The following PALLD variants were observed in gnomAD, a reference collection of about 807,000 sequenced individuals.
The protein encoded by PALLD is palladin.
In PALLD, 61 loss-of-function variants were observed where a neutral mutation model predicts 123.5. The ratio of observed to expected loss-of-function variants is 0.49; its 90% CI spans 0.40 to 0.61. PALLD has a LOEUF of 0.61. Among genes scored for constraint, PALLD ranks in the 20% least tolerant of loss-of-function variants. PALLD has a pLI of 0.00. For missense variants in PALLD, 1,273 were observed against 1,377.0 expected (o/e 0.92, Z 1.20); for synonymous variants, 465 against 496.4 (o/e 0.94, Z 0.84).
chr4:168,865,510 T>G (rs574746156), intron 10 of PALLD, among the ~76,000 whole-genome samples: 82 of 152,346 alleles, frequency 5.4e-4, no homozygotes, highest in Non-Finnish European at 1.0e-3. Flanking sequence ...AACTGTGCAT[T>G]CCTCACATTG....
chr4:168,765,242 A>T (rs1280902003), intron 10 of PALLD, among the ~76,000 whole-genome samples: 1 of 152,344 alleles, frequency 6.6e-6, no homozygotes, highest in African/African-American at 2.4e-5. Context: ...GGTTTAGTAA[A>T]TGGAAGCGAT....
At chr4:168,626,624 T>C (rs1229107025) in intron 2 of PALLD, among the ~76,000 whole-genome samples, 1 of 149,504 alleles carries the variant, frequency 6.7e-6, no homozygotes, top group Non-Finnish European at 1.5e-5. Flanking sequence ...GGTGGGAGGA[T>C]CACTGGAGCC....
intron 10 of PALLD, among the ~76,000 whole-genome samples, chr4:168,722,089 G>T (rs563833227): frequency 8.5e-5 from 13 of 152,284 alleles, no homozygotes; most frequent in African/African-American, 2.9e-4. Flanking sequence ...CTGCCACCCA[G>T]GCTGGAGTGC....
intron 10 of PALLD, among the ~76,000 whole-genome samples, chr4:168,770,933 A>C (rs1019609133): frequency 5.9e-5 from 9 of 152,040 alleles, no homozygotes; most frequent in Non-Finnish European, 1.2e-4. Flanking sequence ...GGGAGCGGGC[A>C]CTTGTAGTCC....
rs767777801 is a variant in PALLD at position 168,850,523 on chromosome 4, C to CTTTTTTTTTTT, written c.1965-40381_1965-40371dup. 2.7e-3 allele frequency among the ~76,000 whole-genome samples: 93 copies of CTTTTTTTTTTT among 34,712 alleles called. 22 individuals are homozygous for CTTTTTTTTTTT. The highest frequency in any genetic ancestry group is 6.1e-3 in the African/African-American group (46 of 7,556). The allele number at this position is 34,712 out of a possible 152,430, so 22.8% of individuals were successfully genotyped here. ...TATATAATTTGTAAGTCTGTCATTT[C>CTTTTTTTTTTT]TTTTTTTTTTTTTTTTTTTTTTTTT... is the stretch of plus-strand genomic sequence containing the variant. On this transcript the variant is annotated intron_variant, in intron 10 of 21. Transcript: ENST00000505667.
chr4:168,509,694 G>C (rs1017634120), intron 1 of PALLD, among the ~76,000 whole-genome samples: 11 of 152,192 alleles, frequency 7.2e-5, no homozygotes, highest in African/African-American at 2.7e-4. Context: ...AGTAGATAGA[G>C]TAGGGCTAGC....
intron 2 of PALLD, among the ~76,000 whole-genome samples, chr4:168,622,626 G>A (rs1344449741): frequency 1.3e-5 from 2 of 152,204 alleles, no homozygotes; most frequent in African/African-American, 4.8e-5. Flanking sequence ...AAGCCCAAAA[G>A]AGAAGTAGCA....
intron 2 of PALLD, among the ~76,000 whole-genome samples, chr4:168,637,111 G>A (rs998393656): frequency 6.6e-6 from 1 of 152,198 alleles, no homozygotes. Flanking sequence ...CAGTGGTAAT[G>A]TTTCTACTTA....
chr4:168,613,031 C>A (rs1384325374), intron 2 of PALLD, among the ~76,000 whole-genome samples: 8 of 152,196 alleles, frequency 5.3e-5, no homozygotes, highest in Non-Finnish European at 1.2e-4. Context: ...TTTCCCCCAT[C>A]AACTTCCTTC....
At chr4:168,691,790 G>A (rs1050953818) in intron 8 of PALLD, among the ~76,000 whole-genome samples, 4 of 152,110 alleles carry the variant, frequency 2.6e-5, no homozygotes, top group African/African-American at 4.8e-5. Flanking sequence ...TATTCTGCAA[G>A]CATGAAGAAA....
chr4:168,794,009 T>A (rs1359141667), intron 10 of PALLD, among the ~76,000 whole-genome samples: 3 of 152,224 alleles, frequency 2.0e-5, no homozygotes, highest in Non-Finnish European at 4.4e-5. Context: ...TGGCCTCCTC[T>A]CTGGCTGTCC....
At chr4:168,908,286 G>A (rs1029810592) in intron 15 of PALLD, among the ~76,000 whole-genome samples, 1 of 152,020 alleles carries the variant, frequency 6.6e-6, no homozygotes, top group Admixed American at 6.6e-5. Flanking sequence ...GCAAAACAAA[G>A]TGGCATTTAA....
At chr4:168,749,637 G>A (rs1042682011) in intron 10 of PALLD, among the ~76,000 whole-genome samples, 1 of 152,174 alleles carries the variant, frequency 6.6e-6, no homozygotes, top group African/African-American at 2.4e-5. Flanking sequence ...CCGAGAGGCA[G>A]AGGTTGCAGT....
chr4:168,581,726 G>A (rs1244294082), intron 2 of PALLD, among the ~76,000 whole-genome samples: 2 of 152,018 alleles, frequency 1.3e-5, no homozygotes, highest in Non-Finnish European at 2.9e-5. Flanking sequence ...TCTTTACTCT[G>A]TTGACTATTT....
intron 2 of PALLD, among the ~76,000 whole-genome samples, chr4:168,601,605 G>T (rs1409554322): frequency 1.3e-5 from 2 of 151,640 alleles, no homozygotes; most frequent in Non-Finnish European, 2.9e-5. Context: ...TCCGCTTCCT[G>T]ATCTGTATTA....
intron 10 of PALLD, among the ~76,000 whole-genome samples, chr4:168,725,466 G>C (rs1350141900): frequency 1.3e-5 from 2 of 151,116 alleles, no homozygotes; most frequent in African/African-American, 2.4e-5. Flanking sequence ...AGACATAAAA[G>C]GTGGCTTGAG....
chr4:168,639,664 C>A (rs982652107), intron 2 of PALLD, among the ~76,000 whole-genome samples: 2 of 152,048 alleles, frequency 1.3e-5, no homozygotes, highest in Non-Finnish European at 2.9e-5. Flanking sequence ...CTGCCTCAGC[C>A]TCCTGAGTAG....
chr4:168,861,658 AT>A (rs1242628875), intron 10 of PALLD, among the ~76,000 whole-genome samples: 2 of 151,668 alleles, frequency 1.3e-5, no homozygotes, highest in African/African-American at 2.4e-5. Flanking sequence ...TATGTTGAAG[AT>A]TTTTTTTAAT....
chr4:168,675,096 C>G (rs1340153373), intron 3 of PALLD, among the ~76,000 whole-genome samples: 1 of 152,208 alleles, frequency 6.6e-6, no homozygotes, highest in East Asian at 1.9e-4. Flanking sequence ...CAAGTTCCCA[C>G]CACTGCCTCC....
Sources: allele counts gnomAD v4.1 joint callset (sites outside exome capture counted in the v4.1 genomes callset), GRCh38; gene constraint gnomAD v4.1.1; transcripts MANE v1.5; gene names NCBI Gene and HGNC (gene_info 2026-07-23, HGNC 2026-07-21).